GPHN: variants seen among roughly 807,000 people sequenced by gnomAD.
The protein encoded by GPHN is gephyrin.
Under a neutral mutation model 95.5 loss-of-function variants are expected in GPHN, and 17 were observed. The observed-to-expected ratio is 0.18, with a 90% CI of 0.12 to 0.27. The LOEUF (loss-of-function observed/expected upper bound fraction) is 0.27, where lower values mean the gene tolerates loss of function less well. GPHN is among the 10% of genes least tolerant of loss of function. GPHN has a pLI of 1.00. For missense variants in GPHN, 660 were observed against 978.1 expected (o/e 0.67, Z 4.34); for synonymous variants, 320 against 322.5 (o/e 0.99, Z 0.08).
At chr14:67,046,965 C>A (rs2075049953) in intron 10 of GPHN, among the ~76,000 whole-genome samples, 1 of 152,068 alleles carries the variant, frequency 6.6e-6, no homozygotes, top group South Asian at 2.1e-4. Context: ...ATTACTATTA[C>A]CTATCTTTGC....
At chr14:67,450,794 A>C in the GPHN span, among the ~76,000 whole-genome samples, 1 of 152,240 alleles carries the variant, frequency 6.6e-6, no homozygotes, top group African/African-American at 2.4e-5. Context: ...CCATTCTCTG[A>C]GGAGAAATTC....
At chr14:66,682,662 A>C (rs2067011663) in intron 2 of GPHN, among the ~76,000 whole-genome samples, 1 of 152,142 alleles carries the variant, frequency 6.6e-6, no homozygotes, top group African/African-American at 2.4e-5. Context: ...AGGCAGGAGA[A>C]TCTCTCGAAC....
chr14:67,700,435 G>A, the GPHN span, among the ~76,000 whole-genome samples: 1 of 152,046 alleles, frequency 6.6e-6, no homozygotes, highest in African/African-American at 2.4e-5. Context: ...ATTACAGAAG[G>A]CCGGGCACAG....
chr14:67,430,324 GA>G, the GPHN span, among the ~76,000 whole-genome samples: 1 of 152,196 alleles, frequency 6.6e-6, no homozygotes. Context: ...GCCTAGGGAG[GA>G]AAAATACCCA....
At chr14:67,380,575 T>A in the GPHN span, 1 of 607,028 alleles carries the variant, frequency 1.6e-6, no homozygotes, top group Non-Finnish European at 2.7e-6. Flanking sequence ...TTAACTATTA[T>A]ATGCATTGTT....
intron 21 of GPHN, among the ~76,000 whole-genome samples, chr14:67,176,191 C>T (rs1167229868): frequency 6.6e-6 from 1 of 152,126 alleles, no homozygotes; most frequent in Non-Finnish European, 1.5e-5. Flanking sequence ...TTTGCCCACT[C>T]AGTATGATAT....
chr14:66,574,063 G>A (rs1340514376), intron 1 of GPHN, among the ~76,000 whole-genome samples: 1 of 151,968 alleles, frequency 6.6e-6, no homozygotes, highest in East Asian at 1.9e-4. Flanking sequence ...TGCATTTTCT[G>A]GTAGTTTGTA....
At chr14:67,697,568 C>T in the GPHN span, among the ~76,000 whole-genome samples, 6 of 152,176 alleles carry the variant, frequency 3.9e-5, no homozygotes, top group African/African-American at 9.7e-5. Flanking sequence ...ATTCCCATAA[C>T]AACTCTAAGA....
chr14:67,643,293 A>G, the GPHN span, among the ~76,000 whole-genome samples: 19,038 of 151,244 alleles, frequency 0.13, 1,219 homozygotes, highest in Admixed American at 0.15. Context: ...TGGAATAAAC[A>G]AAAATATTGA....
At chr14:67,660,339 C>G in the GPHN span, 1 of 155,978 alleles carries the variant, frequency 6.4e-6, no homozygotes, top group African/African-American at 2.4e-5. Flanking sequence ...AATCCTGGCA[C>G]TTTGGGAAGC....
chr14:66,997,013 G>A (rs2071851531), intron 9 of GPHN, among the ~76,000 whole-genome samples: 1 of 151,888 alleles, frequency 6.6e-6, no homozygotes, highest in Non-Finnish European at 1.5e-5. Context: ...TTCAAAGCAG[G>A]GGCACTGTTT....
chr14:67,034,658 C>A (rs985552197), intron 10 of GPHN, among the ~76,000 whole-genome samples: 4 of 151,864 alleles, frequency 2.6e-5, no homozygotes, highest in African/African-American at 9.7e-5. Context: ...TTATATCAGA[C>A]AAAATATAGA....
the GPHN span, among the ~76,000 whole-genome samples, chr14:67,549,053 A>G: frequency 6.6e-6 from 1 of 152,222 alleles, no homozygotes; most frequent in African/African-American, 2.4e-5. Flanking sequence ...AGAAAAACAT[A>G]TCCTAAAATA....
At chr14:66,829,274 G>A (rs1159385503) in intron 4 of GPHN, among the ~76,000 whole-genome samples, 1 of 151,818 alleles carries the variant, frequency 6.6e-6, no homozygotes, top group Non-Finnish European at 1.5e-5. Flanking sequence ...TTTTAGTAGA[G>A]ACAGGGTTTC....
chr14:67,117,364 A>G (rs79059327), intron 16 of GPHN, among the ~76,000 whole-genome samples: 7,282 of 152,298 alleles, frequency 0.048, 199 homozygotes, highest in Middle Eastern at 0.068. Flanking sequence ...GTTGTCCTTG[A>G]TGAAATTATG....
chr14:67,629,809 C>A, the GPHN span, among the ~76,000 whole-genome samples: 1 of 152,118 alleles, frequency 6.6e-6, no homozygotes, highest in Non-Finnish European at 1.5e-5. Flanking sequence ...CAAGGACTTG[C>A]GTTAGTGAAG....
the GPHN span, chr14:67,656,474 G>C: frequency 6.2e-7 from 1 of 1,613,554 alleles, no homozygotes; most frequent in Middle Eastern, 1.7e-4. Context: ...TATGATTTCT[G>C]AGCCAATCTG....
At chr14:66,683,359 TATATATATA>T (rs1216627161) in intron 2 of GPHN, among the ~76,000 whole-genome samples, 1 of 88,668 alleles carries the variant, frequency 1.1e-5, no homozygotes, top group African/African-American at 8.5e-5. Context: ...TATATATATA[TATATATATA>T]TATATATATA....
chr14:67,345,509 C>T, the GPHN span, among the ~76,000 whole-genome samples: 26 of 150,468 alleles, frequency 1.7e-4, no homozygotes, highest in South Asian at 5.3e-3. Context: ...GAGCCGAGGT[C>T]GCGCCATTGC....
Sources: allele counts gnomAD v4.1 joint callset (sites outside exome capture counted in the v4.1 genomes callset), GRCh38; gene constraint gnomAD v4.1.1; transcripts MANE v1.5; gene names NCBI Gene and HGNC (gene_info 2026-07-23, HGNC 2026-07-21).